NT5C2: variants seen among roughly 807,000 people sequenced by gnomAD.
NT5C2 encodes 5'-nucleotidase, cytosolic II.
In NT5C2, 58 loss-of-function variants were observed where a neutral mutation model predicts 76.1. The ratio of observed to expected loss-of-function variants is 0.76; its 90% CI spans 0.62 to 0.95. The LOEUF (loss-of-function observed/expected upper bound fraction) is 0.95. Ranked by LOEUF, NT5C2 falls within the 40% of genes least tolerant of loss-of-function variation. The pLI is 0.00. For missense variants in NT5C2, 478 were observed against 690.3 expected (o/e 0.69, Z 3.45); for synonymous variants, 229 against 237.4 (o/e 0.96, Z 0.32).
In NT5C2 at chr10:103,101,097, A is replaced by G; in HGVS notation, c.487T>C (p.Tyr163His). 1 of 1,593,096 alleles carries G rather than the reference A, an allele frequency of 6.3e-7. No homozygotes were observed. Among genetic ancestry groups the G allele is most frequent in the Non-Finnish European group, 8.6e-7 (1 of 1,160,888 alleles). The change falls in exon 8 of 19, where the codon TAC becomes CAC. Residue 163 changes from tyrosine to histidine, a missense_variant. Tyr to His is a moderately conservative substitution (Grantham distance 83, BLOSUM62 2). Transcript: ENST00000404739. ...AAATCTACTAGGCAGGCCAACAGGT[A>G]GGTCTCTGAAAAATGAAGAACAGAT... ...LNTLFNLPET[Y>H]LLACLVDFFT...
At chr10:103,178,934 GTTTTCTT>G (rs1368661516) in intron 2 of NT5C2, among the ~76,000 whole-genome samples, 9 of 130,134 alleles carry the variant, frequency 6.9e-5, no homozygotes, top group Admixed American at 7.6e-5. Flanking sequence ...ATTCCTCTAC[GTTTTCTT>G]TTTTCTTTTT....
chr10:103,117,438 G>C (rs1281541805), intron 4 of NT5C2, among the ~76,000 whole-genome samples: 1 of 152,150 alleles, frequency 6.6e-6, no homozygotes, highest in Non-Finnish European at 1.5e-5. Flanking sequence ...CTTGAGCCCA[G>C]CAGTTCAAGA....
chr10:103,160,262 T>C (rs577109819), intron 3 of NT5C2, among the ~76,000 whole-genome samples: 2 of 152,172 alleles, frequency 1.3e-5, no homozygotes, highest in Non-Finnish European at 2.9e-5. Context: ...ATCAAAAACG[T>C]AAATGTAAGA....
At chr10:103,190,198 A>AC (rs1175415719) in intron 1 of NT5C2, among the ~76,000 whole-genome samples, 3 of 151,580 alleles carry the variant, frequency 2.0e-5, no homozygotes, top group African/African-American at 4.8e-5. Context: ...ATGGGGTTTC[A>AC]CCATGTTGGC....
chr10:103,159,251 G>GCA (rs57117670), intron 3 of NT5C2, among the ~76,000 whole-genome samples: 29,994 of 132,964 alleles, frequency 0.23, 3,182 homozygotes, highest in Non-Finnish European at 0.24. Context: ...TCCAAAACAT[G>GCA]CACACACACA....
intron 3 of NT5C2, among the ~76,000 whole-genome samples, chr10:103,160,105 T>A (rs2084455013): frequency 1.3e-5 from 2 of 152,178 alleles, no homozygotes; most frequent in Non-Finnish European, 2.9e-5. Context: ...TATGTTCAAA[T>A]GATACTTGAC....
At chr10:103,192,768 G>A (rs768502287) in intron 1 of NT5C2, among the ~76,000 whole-genome samples, 8 of 152,190 alleles carry the variant, frequency 5.3e-5, no homozygotes, top group Admixed American at 4.6e-4. Flanking sequence ...GCTTTTACAA[G>A]AAGCGAAAAG....
At chr10:103,183,446 A>C (rs2091560715) in intron 1 of NT5C2, among the ~76,000 whole-genome samples, 1 of 146,920 alleles carries the variant, frequency 6.8e-6, no homozygotes, top group South Asian at 2.1e-4. Context: ...AATCCCTCTC[A>C]ATATTGCCTC....
chr10:103,096,815 C>T (rs2068302038), intron 11 of NT5C2, among the ~76,000 whole-genome samples: 1 of 135,872 alleles, frequency 7.4e-6, no homozygotes, highest in Non-Finnish European at 1.5e-5. Flanking sequence ...CACTGCACCC[C>T]AGCCTGGGCG....
chr10:103,182,789 T>C (rs1564650990), intron 1 of NT5C2, among the ~76,000 whole-genome samples: 1 of 152,202 alleles, frequency 6.6e-6, no homozygotes, highest in African/African-American at 2.4e-5. Flanking sequence ...GGTCTCTAAA[T>C]ACAACAACTT....
rs1265580979 is a variant in NT5C2 at position 103,128,091 on chromosome 10, G to C, written c.175+11315C>G. On this transcript the variant is annotated intron_variant, in intron 4 of 18. Transcript: ENST00000404739. The stretch of plus-strand genomic sequence containing the variant: ...TCCCTCTCCCTCTCCCTCTCCCTCT[G>C]TCTCCCTCTCCCCACGGTCTCCCTC... Among the ~76,000 whole-genome samples the C allele has an allele frequency of 4.7e-5, 6 of 128,680 alleles. No homozygotes were observed. In the East Asian group the frequency reaches 8.4e-4, roughly 18 times the overall value. 84.4% of individuals were successfully genotyped at this position (128,680 alleles called of 152,430 possible).
intron 4 of NT5C2, among the ~76,000 whole-genome samples, chr10:103,124,333 A>G (rs1175806853): frequency 6.6e-6 from 1 of 152,192 alleles, no homozygotes; most frequent in Non-Finnish European, 1.5e-5. Context: ...CAGCTGCTCA[A>G]AAAAGAGCTT....
chr10:103,161,809 T>C (rs1039176845), intron 3 of NT5C2, among the ~76,000 whole-genome samples: 3 of 152,166 alleles, frequency 2.0e-5, no homozygotes, highest in Admixed American at 2.0e-4. Context: ...TAAGTTCATT[T>C]ATATGAAATA....
At chr10:103,129,308 A>G (rs1323013064) in intron 4 of NT5C2, among the ~76,000 whole-genome samples, 7 of 100,752 alleles carry the variant, frequency 6.9e-5, no homozygotes, top group Admixed American at 8.8e-5. Flanking sequence ...TGGGGGGGTC[A>G]GCCCCCCGCC....
chr10:103,120,543 G>A (rs913120773), intron 4 of NT5C2, among the ~76,000 whole-genome samples: 1 of 152,144 alleles, frequency 6.6e-6, no homozygotes, highest in African/African-American at 2.4e-5. Context: ...AATATCACCA[G>A]CCATTAGAGA....
rs566417120 is a variant in NT5C2, at chr10:103,125,425, C to T, written c.175+13981G>A. On this transcript the variant is annotated intron_variant, in intron 4 of 18. Transcript: ENST00000404739. ...TCGTTCATGTGCACCATTGTGGTGG[C>T]GTGGAAAGATGATGGAAAGAAAAAA... 17 of 246,190 alleles carry T rather than the reference C, an allele frequency of 6.9e-5. 1 individual carries two copies. The highest frequency in any genetic ancestry group is 5.1e-4 in the South Asian group (10 of 19,678). The allele number at this position is 246,190 out of a possible 1,614,324, so 15.3% of individuals were successfully genotyped here.
At chr10:103,138,525 T>C (rs1453949824) in intron 4 of NT5C2, among the ~76,000 whole-genome samples, 1 of 152,218 alleles carries the variant, frequency 6.6e-6, no homozygotes, top group African/African-American at 2.4e-5. Flanking sequence ...AGTGAGAACA[T>C]GCAGTGTTTG....
chr10:103,119,151 C>A (rs1182413756), intron 4 of NT5C2, among the ~76,000 whole-genome samples: 1 of 152,046 alleles, frequency 6.6e-6, no homozygotes, highest in Non-Finnish European at 1.5e-5. Flanking sequence ...GGGTGGATCA[C>A]CTGAGATGGG....
At chr10:103,129,025 T>G (rs1187437546) in intron 4 of NT5C2, among the ~76,000 whole-genome samples, 2 of 87,650 alleles carry the variant, frequency 2.3e-5, no homozygotes, top group Admixed American at 1.1e-4. Context: ...GGGAGGGAGG[T>G]GGGGGGTCAG....
Sources: allele counts gnomAD v4.1 joint callset (sites outside exome capture counted in the v4.1 genomes callset), GRCh38; gene constraint gnomAD v4.1.1; transcripts MANE v1.5; gene names NCBI Gene and HGNC (gene_info 2026-07-23, HGNC 2026-07-21).